FSIP1: variants seen among roughly 807,000 people sequenced by gnomAD.
FSIP1 encodes fibrous sheath-interacting protein 1.
A neutral mutation model predicts 60.9 loss-of-function variants in FSIP1; 65 were observed. The observed-to-expected ratio is 1.07, with a 90% CI of 0.87 to 1.31. The LOEUF (loss-of-function observed/expected upper bound fraction) is 1.31, where lower values mean the gene tolerates loss of function less well. Among genes scored for constraint, FSIP1 ranks in the 40% most tolerant of loss-of-function variants. The probability of loss-of-function intolerance (pLI) is 0.00; values close to 1 mark genes in which losing one functional copy is unlikely to be tolerated. For missense variants in FSIP1, 675 were observed against 665.5 expected, an observed-to-expected ratio of 1.01 and a Z score of -0.16; for synonymous variants, 209 against 221.2, an observed-to-expected ratio of 0.94 and a Z score of 0.49.
At chr15:39,763,954 A>T (rs1207403508) in intron 4 of FSIP1, 40 bp from the exon 5 acceptor site, 1 of 1,052,868 alleles carries the variant, frequency 9.5e-7, no homozygotes, top group Non-Finnish European at 1.5e-6. Context: ...TGGGAAAAGA[A>T]GGCAACTATA....
chr15:39,633,633 A>T (rs1266267654), intron 10 of FSIP1, among the ~76,000 whole-genome samples: 8 of 152,198 alleles, frequency 5.3e-5, no homozygotes, highest in African/African-American at 1.9e-4. Flanking sequence ...AGTGGAGAGG[A>T]AAATCTTTAG....
intron 10 of FSIP1, among the ~76,000 whole-genome samples, chr15:39,704,788 T>C (rs762600342): frequency 6.6e-6 from 1 of 152,204 alleles, no homozygotes; most frequent in Non-Finnish European, 1.5e-5. Context: ...CATATATGCT[T>C]ATATCAGGTT....
intron 10 of FSIP1, among the ~76,000 whole-genome samples, chr15:39,629,197 C>T (rs925222308): frequency 5.9e-5 from 9 of 152,086 alleles, no homozygotes; most frequent in African/African-American, 1.9e-4. Context: ...CTTGTAGATT[C>T]CTGGCGCTGG....
intron 11 of FSIP1, among the ~76,000 whole-genome samples, chr15:39,602,663 G>A (rs528946688): frequency 6.6e-6 from 1 of 152,258 alleles, no homozygotes; most frequent in South Asian, 2.1e-4. Flanking sequence ...CCATGCATGA[G>A]GTGGGAGATG....
intron 5 of FSIP1, among the ~76,000 whole-genome samples, chr15:39,744,257 CCT>C (rs1352264097): frequency 3.9e-5 from 6 of 152,030 alleles, no homozygotes; most frequent in Non-Finnish European, 8.8e-5. Flanking sequence ...TTTAAAAATT[CCT>C]CTCTTCACTA....
At chr15:39,654,857 T>C (rs1373396598) in intron 10 of FSIP1, among the ~76,000 whole-genome samples, 1 of 152,198 alleles carries the variant, frequency 6.6e-6, no homozygotes, top group Non-Finnish European at 1.5e-5. Context: ...CTTCTGATCA[T>C]GTAAATTCCT....
At chr15:39,644,355 C>T (rs1472262996) in intron 10 of FSIP1, among the ~76,000 whole-genome samples, 4 of 152,142 alleles carry the variant, frequency 2.6e-5, no homozygotes, top group African/African-American at 9.7e-5. Flanking sequence ...TGATTAATGA[C>T]TGCAAATGAG....
At chr15:39,629,897 G>A (rs543380582) in intron 10 of FSIP1, among the ~76,000 whole-genome samples, 1 of 152,332 alleles carries the variant, frequency 6.6e-6, no homozygotes, top group South Asian at 2.1e-4. Context: ...CAAATGGTCA[G>A]TCCTGACAAA....
intron 10 of FSIP1, among the ~76,000 whole-genome samples, chr15:39,636,870 A>G (rs1459739267): frequency 6.6e-6 from 1 of 152,184 alleles, no homozygotes; most frequent in Non-Finnish European, 1.5e-5. Flanking sequence ...CTATTTTTCA[A>G]TCCATCCTTA....
intron 9 of FSIP1, among the ~76,000 whole-genome samples, chr15:39,721,537 T>C (rs1207506364): frequency 6.6e-6 from 1 of 152,204 alleles, no homozygotes; most frequent in African/African-American, 2.4e-5. Flanking sequence ...ACAAGCTACC[T>C]TGAGGTCAGA....
At chr15:39,754,501 C>A (rs1401921725) in intron 5 of FSIP1, among the ~76,000 whole-genome samples, 1 of 151,710 alleles carries the variant, frequency 6.6e-6, no homozygotes, top group African/African-American at 2.4e-5. Context: ...TTTGAATAAT[C>A]TGATAGAGAA....
chr15:39,659,784 A>G (rs1305722714), intron 10 of FSIP1, among the ~76,000 whole-genome samples: 1 of 152,114 alleles, frequency 6.6e-6, no homozygotes, highest in African/African-American at 2.4e-5. Flanking sequence ...TGTGTATATC[A>G]CTATAACATG....
chr15:39,631,162 T>G (rs60195210), intron 10 of FSIP1, among the ~76,000 whole-genome samples: 5 of 152,066 alleles, frequency 3.3e-5, no homozygotes, highest in Admixed American at 3.3e-4. Context: ...ATGCTTTCTT[T>G]GGGTGCTCCT....
intron 10 of FSIP1, among the ~76,000 whole-genome samples, chr15:39,703,964 G>A (rs1310203691): frequency 6.6e-6 from 1 of 152,068 alleles, no homozygotes; most frequent in African/African-American, 2.4e-5. Context: ...TCCATTGCAA[G>A]GAGTTTTGTT....
At chr15:39,678,136 T>C (rs892127940) in intron 10 of FSIP1, among the ~76,000 whole-genome samples, 3 of 152,128 alleles carry the variant, frequency 2.0e-5, no homozygotes, top group Admixed American at 1.3e-4. Flanking sequence ...AGTATATTTA[T>C]ATCTGTAGGA....
At chr15:39,710,418 G>A (rs1297182187) in intron 10 of FSIP1, among the ~76,000 whole-genome samples, 39 of 138,434 alleles carry the variant, frequency 2.8e-4, no homozygotes, top group African/African-American at 7.7e-4. Flanking sequence ...CAACTTGGGC[G>A]ACAGAAGTGA....
chr15:39,658,815 C>T (rs1442523421), intron 10 of FSIP1, among the ~76,000 whole-genome samples: 1 of 152,192 alleles, frequency 6.6e-6, no homozygotes, highest in Non-Finnish European at 1.5e-5. Flanking sequence ...CCTAGGTATA[C>T]ACCCAAGATA....
chr15:39,658,145 T>C (rs1351389138), intron 10 of FSIP1, among the ~76,000 whole-genome samples: 2 of 152,146 alleles, frequency 1.3e-5, no homozygotes, highest in African/African-American at 4.8e-5. Context: ...TCCATTAACA[T>C]TAGTTTTCAG....
intron 10 of FSIP1, among the ~76,000 whole-genome samples, chr15:39,676,172 C>CAAAAA (rs11369072): frequency 5.3e-5 from 6 of 112,824 alleles, no homozygotes; most frequent in South Asian, 3.2e-4. Context: ...GACTCCATCT[C>CAAAAA]AAAAAAAAAA....
Sources: gnomAD v4.1 joint callset for allele counts (sites outside exome capture counted in the v4.1 genomes callset) on GRCh38, gnomAD v4.1.1 for gene constraint, MANE v1.5 for transcripts, NCBI Gene and HGNC (gene_info 2026-07-23, HGNC 2026-07-21) for gene names.